EPB41L5: variants seen among roughly 807,000 people sequenced by gnomAD.
EPB41L5 encodes the protein band 4.1-like protein 5.
EPB41L5 carries 55 observed loss-of-function variants against 106.6 expected under a neutral mutation model. The observed-to-expected ratio is 0.52, with a 90% CI of 0.42 to 0.65. The LOEUF (loss-of-function observed/expected upper bound fraction) is 0.65, where lower values mean the gene tolerates loss of function less well. Among genes scored for constraint, EPB41L5 ranks in the 30% least tolerant of loss-of-function variants. The probability of loss-of-function intolerance (pLI) is 0.00; values close to 1 mark genes in which losing one functional copy is unlikely to be tolerated. For synonymous variants in EPB41L5, 297 were observed against 306.7 expected, an observed-to-expected ratio of 0.97 and a Z score of 0.33; for missense variants, 871 against 882.1, an observed-to-expected ratio of 0.99 and a Z score of 0.16.
chr2:120,142,216 A>C (rs1686207044), intron 18 of EPB41L5, among the ~76,000 whole-genome samples: 1 of 150,734 alleles, frequency 6.6e-6, no homozygotes, highest in African/African-American at 2.4e-5. Context: ...CATTTATATT[A>C]TTTATTTGTC....
At chr2:120,144,667 C>G (rs1007413679) in intron 19 of EPB41L5, among the ~76,000 whole-genome samples, 4 of 152,098 alleles carry the variant, frequency 2.6e-5, no homozygotes, top group African/African-American at 9.7e-5. Context: ...AGGAACACTT[C>G]CCAATTCATC....
rs980895833 is a variant in EPB41L5, at chr2:120,176,151, G to A, written c.*1244G>A. ...TGTAATTCTAATACCCAGAAATAAC[G>A]CTATTTAGCTTTATAATTTTCGAAT... On this transcript the variant is annotated 3_prime_UTR_variant, in exon 25 of 25. Transcript: ENST00000263713. 1.3e-5 allele frequency: 2 copies of A among 152,560 alleles called. No individual in the cohort carries two copies. Among genetic ancestry groups the A allele is most frequent in the African/African-American group, 2.4e-5 (1 of 41,432 alleles). 9.5% of individuals were successfully genotyped at this position (152,560 alleles called of 1,614,324 possible).
At chr2:120,082,893 G>T (rs1350479715) in intron 10 of EPB41L5, among the ~76,000 whole-genome samples, 1 of 152,162 alleles carries the variant, frequency 6.6e-6, no homozygotes, top group Non-Finnish European at 1.5e-5. Context: ...TATTTGCATA[G>T]AGGTGTTTAT....
chr2:120,044,154 A>AG (rs930238129), intron 3 of EPB41L5, among the ~76,000 whole-genome samples: 2 of 152,000 alleles, frequency 1.3e-5, no homozygotes, highest in African/African-American at 2.4e-5. Flanking sequence ...AAAAAAAAAA[A>AG]AAAGGATATA....
chr2:120,124,794 T>C (rs1344136126), intron 16 of EPB41L5, among the ~76,000 whole-genome samples: 2 of 152,048 alleles, frequency 1.3e-5, no homozygotes, highest in Non-Finnish European at 2.9e-5. Flanking sequence ...TCATAACGTT[T>C]GACTTTTTTT....
intron 14 of EPB41L5, among the ~76,000 whole-genome samples, chr2:120,099,684 C>T (rs1286842187): frequency 6.6e-6 from 1 of 152,128 alleles, no homozygotes; most frequent in Non-Finnish European, 1.5e-5. Flanking sequence ...CCTCAGCCTC[C>T]CAAAGTGCTG....
chr2:120,077,970 A>C (rs904827426), intron 9 of EPB41L5, among the ~76,000 whole-genome samples: 4 of 152,084 alleles, frequency 2.6e-5, no homozygotes, highest in Middle Eastern at 3.2e-3. Flanking sequence ...GGAGGGAGAG[A>C]GAGCAAAGAG....
chr2:120,030,289 T>C (rs1242736787), intron 2 of EPB41L5, among the ~76,000 whole-genome samples: 1 of 152,176 alleles, frequency 6.6e-6, no homozygotes, highest in African/African-American at 2.4e-5. Flanking sequence ...ATGCAGCCTC[T>C]GGCTCCAAGA....
rs193132737 is a variant in EPB41L5, at chr2:120,121,653, A to G, written c.1338-6035A>G. On this transcript the variant is annotated intron_variant, in intron 16 of 24. Coordinates refer to ENST00000263713, the MANE Select transcript of EPB41L5 (RefSeq NM_020909.4). ...CTTTGCTATTGCGATTAGTGCCACA[A>G]TATACATATGTCTTTATAGTAGCAT... Among the ~76,000 whole-genome samples the G allele has an allele frequency of 3.9e-3, 600 of 152,306 alleles. 4 individuals carry two copies. The highest frequency in any genetic ancestry group is 0.013 in the African/African-American group (556 of 41,574).
chr2:120,061,284 G>A (rs1475292138), intron 3 of EPB41L5, among the ~76,000 whole-genome samples: 1 of 146,868 alleles, frequency 6.8e-6, no homozygotes, highest in Non-Finnish European at 1.5e-5. Flanking sequence ...GTGCAGTGGC[G>A]GGATCTCGGC....
intron 17 of EPB41L5, among the ~76,000 whole-genome samples, chr2:120,128,933 C>T (rs1454233477): frequency 6.6e-6 from 1 of 152,148 alleles, no homozygotes; most frequent in African/African-American, 2.4e-5. Context: ...TTGCCCTGGA[C>T]TCCACTTCTT....
At chr2:120,168,115 C>A in intron 24 of EPB41L5, 108 bp downstream of exon 24, 1 of 1,293,142 alleles carries the variant, frequency 7.7e-7, no homozygotes, top group Non-Finnish European at 1.0e-6. Flanking sequence ...CCTAACTGAA[C>A]TATATTGAAA....
At chr2:120,076,311 T>C (rs1682229004) in intron 7 of EPB41L5, among the ~76,000 whole-genome samples, 1 of 151,060 alleles carries the variant, frequency 6.6e-6, no homozygotes, top group African/African-American at 2.4e-5. Flanking sequence ...GTATATTCTT[T>C]TGTTTTGTTT....
chr2:120,027,263 T>C (rs1289943564), intron 2 of EPB41L5, among the ~76,000 whole-genome samples: 1 of 152,220 alleles, frequency 6.6e-6, no homozygotes, highest in African/African-American at 2.4e-5. Context: ...GCATTATTCA[T>C]AATAGTTAAA....
chr2:120,140,898 G>C (rs1033371001), intron 18 of EPB41L5, among the ~76,000 whole-genome samples: 6 of 151,954 alleles, frequency 3.9e-5, no homozygotes, highest in African/African-American at 1.4e-4. Flanking sequence ...CTTAATGTTG[G>C]CCTGACTAAA....
chr2:120,123,490 G>A (rs1214711250), intron 16 of EPB41L5, among the ~76,000 whole-genome samples: 1 of 151,852 alleles, frequency 6.6e-6, no homozygotes, highest in African/African-American at 2.4e-5. Flanking sequence ...CCCATTTCTA[G>A]CTCATCATTT....
Position 120,176,789 on chromosome 2 carries a change from C to T in EPB41L5, c.*1882C>T, listed in dbSNP as rs908308239. ...CGTTGTGCTGCTCACCACAGAGCAG[C>T]TGAGGCATTATGCCTTGGAAGACCT... On this transcript the variant is annotated 3_prime_UTR_variant, in exon 25 of 25. Coordinates refer to ENST00000263713, the MANE Select transcript of EPB41L5 (RefSeq NM_020909.4). 6.6e-5 allele frequency: 10 copies of T among 152,198 alleles called. No individual in the cohort carries two copies. The highest frequency in any genetic ancestry group is 2.4e-4 in the African/African-American group (10 of 41,448). 9.4% of individuals were successfully genotyped at this position (152,198 alleles called of 1,614,324 possible).
chr2:120,039,623 C>T (rs560029629), intron 2 of EPB41L5, among the ~76,000 whole-genome samples: 15 of 151,930 alleles, frequency 9.9e-5, no homozygotes, highest in South Asian at 4.2e-4. Context: ...GTCGGGAGTT[C>T]GAGACCAGCC....
At chr2:120,083,045 CA>C (rs1682794631) in intron 10 of EPB41L5, among the ~76,000 whole-genome samples, 1 of 149,838 alleles carries the variant, frequency 6.7e-6, no homozygotes, top group Admixed American at 6.6e-5. Flanking sequence ...TTGATCTTTT[CA>C]AAAAACAACC....
Sources: gnomAD v4.1 joint callset for allele counts (sites outside exome capture counted in the v4.1 genomes callset) on GRCh38, gnomAD v4.1.1 for gene constraint, MANE v1.5 for transcripts, NCBI Gene and HGNC (gene_info 2026-07-23, HGNC 2026-07-21) for gene names.